Variants in ETNK2 observed in about 807,000 individuals in gnomAD.
ETNK2 encodes ethanolamine kinase-like protein.
Under a neutral mutation model 46.2 loss-of-function variants are expected in ETNK2, and 33 were observed. That is an observed-to-expected ratio of 0.71 (90% CI 0.54 to 0.96). ETNK2 has a LOEUF of 0.96. Ranked by LOEUF, ETNK2 falls within the 40% of genes least tolerant of loss-of-function variation. The probability of loss-of-function intolerance (pLI) is 0.00; values close to 1 mark genes in which losing one functional copy is unlikely to be tolerated. For missense variants in ETNK2, 445 were observed against 509.7 expected, an observed-to-expected ratio of 0.87 and a Z score of 1.22; for synonymous variants, 194 against 209.0, an observed-to-expected ratio of 0.93 and a Z score of 0.62.
At chr1:204,137,035 T>C in intron 6 of ETNK2, 69 bp downstream of exon 6, 3 of 1,579,062 alleles carry the variant, frequency 1.9e-6, no homozygotes, top group South Asian at 1.2e-5. Context: ...GGTAGGAGGC[T>C]AGGTGGGTCA....
At chr1:204,140,465 A>G (rs1558233404) in intron 4 of ETNK2, among the ~76,000 whole-genome samples, 1 of 152,136 alleles carries the variant, frequency 6.6e-6, no homozygotes, top group Non-Finnish European at 1.5e-5. Flanking sequence ...TGCCCTCATC[A>G]GCAACACCAG....
intron 6 of ETNK2, among the ~76,000 whole-genome samples, chr1:204,135,432 AAAAAT>A (rs978997142): frequency 2.6e-5 from 4 of 152,182 alleles, no homozygotes; most frequent in South Asian, 2.1e-4. Flanking sequence ...ATAAAAGTAA[AAAAAT>A]AAAATAAAAT....
At position 204,132,099 on chromosome 1, in the gene ETNK2, A is replaced by C. The variant is rs971000432; in HGVS notation, c.*85T>G. The C allele has an allele frequency of 3.6e-6, 4 of 1,096,754 alleles. No homozygotes were observed. In the African/African-American group the frequency reaches 6.2e-5, roughly 17 times the overall value. The allele number at this position is 1,096,754 out of a possible 1,614,324, so 67.9% of individuals were successfully genotyped here. On this transcript the variant is annotated 3_prime_UTR_variant, in exon 8 of 8. Coordinates refer to ENST00000367202, the MANE Select transcript of ETNK2 (RefSeq NM_018208.4). ...TGTGTCCCCTCTCCCACCCTGTCCA[A>C]GGGTGTGGATCCCAGAGTGCAGAAT...
In ETNK2 at chr1:204,151,373, G is replaced by A. The variant is rs895105335; in HGVS notation, c.258+222C>T. The A allele has an allele frequency of 1.5e-6, 1 of 650,472 alleles. No homozygotes were observed. The highest frequency in any genetic ancestry group is 2.5e-6 in the Non-Finnish European group (1 of 401,308). 40.3% of individuals were successfully genotyped at this position (650,472 alleles called of 1,614,324 possible). A position where few individuals can be genotyped will look rare whatever the true frequency, so the allele number is the denominator to read the frequency against. ...GCAGGTGGCCACCAGGCGTGCCTAA[G>A]AGCCCCGGGAGGAGGGGGGCGTGTG... On this transcript the variant is annotated intron_variant, in intron 1 of 7. Transcript: ENST00000367202. This position sits in a 1 kb window ranked among gnomAD's most constrained non-coding sequence, Gnocchi z 8.0.
chr1:204,132,437 A>ATATT (rs1657112419), intron 7 of ETNK2, among the ~76,000 whole-genome samples, 181 bp from the exon 8 acceptor site: 1 of 151,990 alleles, frequency 6.6e-6, no homozygotes, highest in African/African-American at 2.4e-5. Context: ...AAAATTTTTA[A>ATATT]TATTTATTTA....
chr1:204,150,106 T>G (rs1657948854), intron 1 of ETNK2, 144 bp from the exon 2 acceptor site: 6 of 858,304 alleles, frequency 7.0e-6, no homozygotes, highest in Non-Finnish European at 1.1e-5. Flanking sequence ...TTTAGCCCAG[T>G]CACTCATGCT....
At position 204,151,889 on chromosome 1, in the gene ETNK2, G is replaced by A; in HGVS notation, c.-37C>T. 1 of 1,410,850 alleles carries A rather than the reference G, an allele frequency of 7.1e-7. No homozygotes were observed. The highest frequency in any genetic ancestry group is 9.2e-7 in the Non-Finnish European group (1 of 1,089,074). The allele number at this position is 1,410,850 out of a possible 1,614,324, so 87.4% of individuals were successfully genotyped here. On this transcript the variant is annotated 5_prime_UTR_variant, in exon 1 of 8. Transcript: ENST00000367202. The surrounding 1 kb of genome is among the most constrained non-coding windows in gnomAD (Gnocchi z 8.0). ...CCACCCCCTCGGAGCCGCGGCAGACGCTAGCCCCGGCGGGGGGGTCCGGCG... is the reference window on the plus strand; with the variant it reads ...CCACCCCCTCGGAGCCGCGGCAGACACTAGCCCCGGCGGGGGGGTCCGGCG...
Position 204,151,854 on chromosome 1 carries a change from C to A in ETNK2, c.-2G>T, listed in dbSNP as rs895168308. On this transcript the variant is annotated 5_prime_UTR_variant, in exon 1 of 8. Coordinates refer to ENST00000367202, the MANE Select transcript of ETNK2 (RefSeq NM_018208.4). The surrounding 1 kb of genome is among the most constrained non-coding windows in gnomAD (Gnocchi z 8.0). ...AGGGGCCGAAGGGGGCACAGCCATTCCCAGCAGCCCCACCCCCTCGGAGCC... is the reference window on the plus strand; with the variant it reads ...AGGGGCCGAAGGGGGCACAGCCATTACCAGCAGCCCCACCCCCTCGGAGCC... 12 of 1,436,572 alleles carry A rather than the reference C, an allele frequency of 8.4e-6. No homozygotes were observed. Among genetic ancestry groups the A allele is most frequent in the Admixed American group, 3.0e-5 (1 of 32,822 alleles). The allele number at this position is 1,436,572 out of a possible 1,614,324, so 89.0% of individuals were successfully genotyped here.
intron 2 of ETNK2, among the ~76,000 whole-genome samples, chr1:204,148,450 G>A (rs964490277): frequency 3.6e-4 from 55 of 151,952 alleles, no homozygotes; most frequent in African/African-American, 1.3e-3. Flanking sequence ...CAGAAGTCAG[G>A]ACAGGGTCCC....
chr1:204,145,058 G>A (rs1323961365), intron 3 of ETNK2, among the ~76,000 whole-genome samples: 2 of 152,206 alleles, frequency 1.3e-5, no homozygotes, highest in African/African-American at 4.8e-5. Context: ...GAATAATTCA[G>A]GGTTATTAGG....
chr1:204,132,092 C>G lies in ETNK2; in HGVS notation c.*92G>C. The G allele has an allele frequency of 9.6e-7, 1 of 1,046,740 alleles. No individual in the cohort carries two copies. The highest frequency in any genetic ancestry group is 1.5e-6 in the Non-Finnish European group (1 of 688,154). The allele number at this position is 1,046,740 out of a possible 1,614,324, so 64.8% of individuals were successfully genotyped here. On this transcript the variant is annotated 3_prime_UTR_variant, in exon 8 of 8. Transcript: ENST00000367202. ...ACACCCATGTGTCCCCTCTCCCACC[C>G]TGTCCAAGGGTGTGGATCCCAGAGT...
In ETNK2 at chr1:204,140,103, A is replaced by C. The variant is rs1657443507; in HGVS notation, c.800T>G (p.Ile267Ser). 6.2e-7 allele frequency: 1 copy of C among 1,613,878 alleles called. No homozygotes were observed. Among genetic ancestry groups the C allele is most frequent in the Non-Finnish European group, 8.5e-7 (1 of 1,179,786 alleles). ...GTTGTAGCCAGCATATTCATAGTCA[A>C]TGAACCGCACGTGACCTATGAAGTA... ...YDSIKGHVRF[I>S]DYEYAGYNYQ... is the part of the protein sequence containing the mutation. The change falls in exon 5 of 8, where the codon ATT becomes AGT. Residue 267 changes from isoleucine (I) to serine (S), a missense_variant. Physicochemically the swap from Ile to Ser is moderately radical, Grantham distance 142. Transcript: ENST00000367202.
In ETNK2 at chr1:204,137,220, G is replaced by C; in HGVS notation, c.898C>G (p.Pro300Ala). 6.2e-7 allele frequency: 1 copy of C among 1,613,878 alleles called. No homozygotes were observed. Among genetic ancestry groups the C allele is most frequent in the East Asian group, 2.2e-5 (1 of 44,872 alleles). The stretch of plus-strand genomic sequence containing the variant: ...CACTGCAGCTGGGTCTCCCGCGCCG[G>C]GTACAGGCAGTAATCCACCTCATTC... ...GVNEVDYCLY[P>A]ARETQLQWLH... Residue 300 changes from proline (P) to alanine (A), a missense_variant, in exon 6 of 8, where the codon CCG becomes GCG. Coordinates refer to ENST00000367202, the MANE Select transcript of ETNK2 (RefSeq NM_018208.4).
intron 2 of ETNK2, chr1:204,147,490 C>A: frequency 1.9e-6 from 1 of 533,302 alleles, no homozygotes; most frequent in South Asian, 1.4e-5. Flanking sequence ...TGATAAAGAC[C>A]CCATCGCCCG....
chr1:204,146,617 C>A, intron 3 of ETNK2, 25 bp downstream of exon 3: 1 of 1,613,676 alleles, frequency 6.2e-7, no homozygotes, highest in Non-Finnish European at 8.5e-7. Flanking sequence ...TTAAGGCAGC[C>A]TTGGACCCTC....
intron 3 of ETNK2, among the ~76,000 whole-genome samples, chr1:204,146,106 AT>A (rs1438831971): frequency 2.6e-5 from 4 of 152,186 alleles, no homozygotes; most frequent in Admixed American, 6.5e-5. Flanking sequence ...CCAAAGGCAC[AT>A]GGGGACAAGA....
At chr1:204,141,709 A>G in intron 3 of ETNK2, 1 of 498,386 alleles carries the variant, frequency 2.0e-6, no homozygotes, top group South Asian at 2.5e-5. Context: ...GCAGAGCATA[A>G]AAGTCACTGA....
Position 204,134,532 on chromosome 1 carries a change from G to A in ETNK2, c.1071C>T (p.Ile357=), listed in dbSNP as rs752974385. ...ACACTCACCTGAGGAAATCAAAGTC[G>A]ATGGTGGAGTACTGGTTCTGGATGA... is the stretch of plus-strand genomic sequence containing the variant. ...WALIQNQYST[I]DFDFLRYAVI... Residue 357 remains isoleucine (I), a synonymous_variant, in exon 7 of 8, where the codon ATC becomes ATT. Transcript: ENST00000367202. 4.3e-6 allele frequency: 7 copies of A among 1,613,928 alleles called. No individual in the cohort carries two copies. The highest frequency in any genetic ancestry group is 5.9e-6 in the Non-Finnish European group (7 of 1,179,868).
chr1:204,147,461 G>A (rs753463647), intron 2 of ETNK2: 22 of 533,234 alleles, frequency 4.1e-5, no homozygotes, highest in Admixed American at 2.5e-4. Context: ...AAAACTGACC[G>A]GTCAGAGAAG....
Sources: allele counts gnomAD v4.1 joint callset (sites outside exome capture counted in the v4.1 genomes callset), GRCh38; gene constraint gnomAD v4.1.1; non-coding constraint Gnocchi (gnomAD v3.1); transcripts MANE v1.5; gene names NCBI Gene and HGNC (gene_info 2026-07-23, HGNC 2026-07-21).